Variants in MYMK observed in about 807,000 individuals in gnomAD.
The protein encoded by MYMK is protein myomaker.
A neutral mutation model predicts 22.4 loss-of-function variants in MYMK; 16 were observed. The ratio of observed to expected loss-of-function variants is 0.72; its 90% CI spans 0.48 to 1.09. The LOEUF is 1.09. Among genes scored for constraint, MYMK ranks in the 50% least tolerant of loss-of-function variants. MYMK has a pLI of 0.00. For synonymous variants in MYMK, 125 were observed against 127.0 expected, an observed-to-expected ratio of 0.98 and a Z score of 0.11; for missense variants, 250 against 295.6, an observed-to-expected ratio of 0.85 and a Z score of 1.13.
In MYMK at chr9:133,515,872, C is replaced by T. The variant is rs368056473; in HGVS notation, c.400-265G>A. Among the ~76,000 whole-genome samples the T allele has an allele frequency of 1.0e-3, 153 of 152,312 alleles. No individual in the cohort carries two copies. The highest frequency in any genetic ancestry group is 3.6e-3 in the African/African-American group (148 of 41,580). On this transcript the variant is annotated intron_variant, in intron 3 of 4. Transcript: ENST00000339996. This position sits in a 1 kb window ranked among gnomAD's most constrained non-coding sequence, Gnocchi z 5.8. ...ATGTGCCCCACAAAGACCCCGCTGC[C>T]CTCCCGCCTCTTTGAGATGTAACAA...
intron 1 of MYMK, among the ~76,000 whole-genome samples, chr9:133,523,772 G>A (rs1168824629): frequency 1.3e-5 from 2 of 150,480 alleles, no homozygotes; most frequent in Non-Finnish European, 2.9e-5. Flanking sequence ...GGAGAGTCAG[G>A]GGACTAAAAC....
intron 3 of MYMK, among the ~76,000 whole-genome samples, chr9:133,516,091 T>C (rs1164876771): frequency 6.6e-6 from 1 of 152,220 alleles, no homozygotes; most frequent in African/African-American, 2.4e-5. Context: ...CCTATCTCAC[T>C]CTTCATTAGA....
chr9:133,520,338 C>T (rs770273605), intron 1 of MYMK, 50 bp from the exon 2 acceptor site: 1 of 1,478,274 alleles, frequency 6.8e-7, no homozygotes, highest in Non-Finnish European at 9.4e-7. Context: ...CAGAGCTGGT[C>T]CCCGAGCCAC....
intron 1 of MYMK, among the ~76,000 whole-genome samples, chr9:133,521,743 G>A (rs537077081): frequency 2.0e-4 from 31 of 152,298 alleles, no homozygotes; most frequent in African/African-American, 6.7e-4. Context: ...ACACCTCTGT[G>A]GGAAAGAGGA....
intron 3 of MYMK, among the ~76,000 whole-genome samples, chr9:133,516,116 AC>A (rs570825592): frequency 4.9e-4 from 74 of 152,324 alleles, no homozygotes; most frequent in African/African-American, 1.7e-3. Flanking sequence ...CTTGGCCAGC[AC>A]TGCTTCTCAG....
rs987216767 is a variant in MYMK at position 133,520,359 on chromosome 9, G to A, written c.136-71C>T. 58 of 1,232,510 alleles carry A rather than the reference G, an allele frequency of 4.7e-5. 1 individual carries two copies. The Middle Eastern group carries it at 1.1e-3, about 24-fold the overall frequency. 76.3% of individuals were successfully genotyped at this position (1,232,510 alleles called of 1,614,324 possible). On this transcript the variant is annotated intron_variant, in intron 1 of 4. Transcript: ENST00000339996. ...TGGTCCCCGAGCCACGGCCCCCAGA[G>A]TGCCAGGTCACTTGCTGGCTGTGAG...
intron 2 of MYMK, 69 bp downstream of exon 2, chr9:133,520,105 G>A (rs1254143115): frequency 1.4e-5 from 17 of 1,244,608 alleles, no homozygotes; most frequent in Non-Finnish European, 2.0e-5. Context: ...CTGGTTTGAG[G>A]CTGGGTGTGC....
At chr9:133,523,293 A>G (rs1844724280) in intron 1 of MYMK, among the ~76,000 whole-genome samples, 1 of 152,252 alleles carries the variant, frequency 6.6e-6, no homozygotes, top group Non-Finnish European at 1.5e-5. Flanking sequence ...ACTCACATGC[A>G]CTTGGCATTC....
At chr9:133,516,498 T>C (rs759031032) in intron 3 of MYMK, among the ~76,000 whole-genome samples, 1 of 152,028 alleles carries the variant, frequency 6.6e-6, no homozygotes, top group Non-Finnish European at 1.5e-5. Context: ...CCCCTGGGGG[T>C]GGGGGCAGCA....
rs1844667134 is a variant in MYMK, at chr9:133,519,033, C to A, written c.251-11G>T. ...CGAAGTCGGCCAGTGCTGGAGGGGCCAGGGAGACACAGGGGGAGGTGAGTG... is the reference window on the plus strand; with the variant it reads ...CGAAGTCGGCCAGTGCTGGAGGGGCAAGGGAGACACAGGGGGAGGTGAGTG... On this transcript the variant is annotated splice_polypyrimidine_tract_variant and intron_variant, in intron 2 of 4. Transcript: ENST00000339996. 2 of 1,613,270 alleles carry A rather than the reference C, an allele frequency of 1.2e-6. No homozygotes were observed. Among genetic ancestry groups the A allele is most frequent in the African/African-American group, 1.3e-5 (1 of 74,848 alleles).
At chr9:133,522,880 G>A (rs891396159) in intron 1 of MYMK, among the ~76,000 whole-genome samples, 14 of 152,250 alleles carry the variant, frequency 9.2e-5, no homozygotes, top group Admixed American at 9.2e-4. Flanking sequence ...TGGTCACAGT[G>A]ACACAAGTGA....
chr9:133,514,941 T>C (rs1440208367), intron 4 of MYMK, among the ~76,000 whole-genome samples, 156 bp from the exon 5 acceptor site: 2 of 152,096 alleles, frequency 1.3e-5, no homozygotes, highest in East Asian at 3.9e-4. Context: ...CAGTGGTTTT[T>C]CTCTCCACCT....
intron 3 of MYMK, among the ~76,000 whole-genome samples, chr9:133,516,488 C>T (rs996159639): frequency 2.6e-5 from 4 of 152,214 alleles, no homozygotes; most frequent in Admixed American, 2.6e-4. Flanking sequence ...GTGGCACAAG[C>T]CCCTGGGGGT....
chr9:133,516,968 G>A (rs1844637734), intron 3 of MYMK, among the ~76,000 whole-genome samples: 1 of 152,160 alleles, frequency 6.6e-6, no homozygotes, highest in Non-Finnish European at 1.5e-5. Flanking sequence ...ATACTAAATG[G>A]TCTAGAAGAC....
At chr9:133,521,247 G>A (rs1231487853) in intron 1 of MYMK, among the ~76,000 whole-genome samples, 2 of 152,144 alleles carry the variant, frequency 1.3e-5, no homozygotes, top group Non-Finnish European at 2.9e-5. Flanking sequence ...CATCATTTTA[G>A]GTAATATTTA....
Position 133,515,329 on chromosome 9 carries a change from G to A in MYMK, c.516+162C>T, listed in dbSNP as rs1844617751. Among the ~76,000 whole-genome samples the A allele has an allele frequency of 6.6e-6, 1 of 152,322 alleles. No homozygotes were observed. Among genetic ancestry groups the A allele is most frequent in the Non-Finnish European group, 1.5e-5 (1 of 68,024 alleles). The stretch of plus-strand genomic sequence containing the variant: ...TGGTGCTGGGGACGGCATTGCCCCC[G>A]ACATAGCCCTGGGAGGGGCTAGTGA... On this transcript the variant is annotated intron_variant, in intron 4 of 4. Coordinates refer to ENST00000339996, the MANE Select transcript of MYMK (RefSeq NM_001080483.3). The surrounding 1 kb of genome is among the most constrained non-coding windows in gnomAD (Gnocchi z 5.8).
At chr9:133,518,822 G>A (rs2131069501) in intron 3 of MYMK, 52 bp downstream of exon 3, 3 of 1,579,578 alleles carry the variant, frequency 1.9e-6, no homozygotes, top group Non-Finnish European at 2.6e-6. Flanking sequence ...AGACAGGGGA[G>A]AGGTGACGGG....
Position 133,515,445 on chromosome 9 carries a change from C to A in MYMK, c.516+46G>T. Reference sequence around the variant, plus strand: ...GTATCCCAGCTGAGCAGAGCCATGCCGAGTGGGCTCTGGGGCACAGGACAC... The same window carrying A: ...GTATCCCAGCTGAGCAGAGCCATGCAGAGTGGGCTCTGGGGCACAGGACAC... On this transcript the variant is annotated intron_variant, in intron 4 of 4. Coordinates refer to ENST00000339996, the MANE Select transcript of MYMK (RefSeq NM_001080483.3). This position sits in a 1 kb window ranked among gnomAD's most constrained non-coding sequence, Gnocchi z 5.8. The A allele has an allele frequency of 7.5e-7, 1 of 1,329,098 alleles. No homozygotes were observed. Among genetic ancestry groups the A allele is most frequent in the South Asian group, 1.2e-5 (1 of 83,808 alleles). The allele number at this position is 1,329,098 out of a possible 1,614,324, so 82.3% of individuals were successfully genotyped here. A position where few individuals can be genotyped will look rare whatever the true frequency, so the allele number is the denominator to read the frequency against.
At position 133,515,767 on chromosome 9, in the gene MYMK, G is replaced by A. The variant is rs1270036189; in HGVS notation, c.400-160C>T. 6.6e-6 allele frequency among the ~76,000 whole-genome samples: 1 copy of A among 152,160 alleles called. No homozygotes were observed. The highest frequency in any genetic ancestry group is 1.5e-5 in the Non-Finnish European group (1 of 68,004). ...CTCCTGCCGCACCCAGCCTCAGATG[G>A]CTTCTGCTGGACAGGGCCCTTCACG... On this transcript the variant is annotated intron_variant, in intron 3 of 4. Coordinates refer to ENST00000339996, the MANE Select transcript of MYMK (RefSeq NM_001080483.3). This position sits in a 1 kb window ranked among gnomAD's most constrained non-coding sequence, Gnocchi z 5.8.
Sources: allele counts gnomAD v4.1 joint callset (sites outside exome capture counted in the v4.1 genomes callset), GRCh38; gene constraint gnomAD v4.1.1; non-coding constraint Gnocchi (gnomAD v3.1); transcripts MANE v1.5; gene names NCBI Gene and HGNC (gene_info 2026-07-23, HGNC 2026-07-21).